Variants in ANGPT1 observed in about 807,000 individuals in gnomAD.
ANGPT1 encodes the protein angiopoietin-1.
In ANGPT1, 17 loss-of-function variants were observed where a neutral mutation model predicts 62.2. The observed-to-expected ratio is 0.27, with a 90% CI of 0.19 to 0.41. The LOEUF (loss-of-function observed/expected upper bound fraction) is 0.41, where lower values mean the gene tolerates loss of function less well. ANGPT1 is among the 10% of genes least tolerant of loss of function. ANGPT1 has a pLI of 1.00. For synonymous variants in ANGPT1, 199 were observed against 198.9 expected (o/e 1.00, Z 0.00); for missense variants, 478 against 594.9 (o/e 0.80, Z 2.04).
chr8:107,261,534 T>C (rs1813491052), intron 8 of ANGPT1, among the ~76,000 whole-genome samples: 1 of 151,722 alleles, frequency 6.6e-6, no homozygotes, highest in South Asian at 2.1e-4. Context: ...TGAAACCCTG[T>C]CTCTAGTAAA....
chr8:107,313,439 T>G (rs1054285881), intron 4 of ANGPT1, among the ~76,000 whole-genome samples: 2 of 124,468 alleles, frequency 1.6e-5, no homozygotes, highest in African/African-American at 3.0e-5. Context: ...GTTTTTTTTT[T>G]TTTTTTTTTT....
At chr8:107,446,103 G>T (rs569928509) in intron 1 of ANGPT1, among the ~76,000 whole-genome samples, 1 of 151,974 alleles carries the variant, frequency 6.6e-6, no homozygotes, top group Non-Finnish European at 1.5e-5. Context: ...ATTTTTAGTA[G>T]AGACTGGGTT....
intron 4 of ANGPT1, among the ~76,000 whole-genome samples, chr8:107,317,050 C>G (rs895928849): frequency 6.6e-6 from 1 of 152,176 alleles, no homozygotes; most frequent in African/African-American, 2.4e-5. Flanking sequence ...CAAGAAAACT[C>G]TAGAGATGCT....
intron 1 of ANGPT1, among the ~76,000 whole-genome samples, chr8:107,489,381 G>A (rs1044703374): frequency 2.6e-5 from 4 of 152,034 alleles, no homozygotes; most frequent in Non-Finnish European, 1.5e-5. Flanking sequence ...TAAGTGACCT[G>A]CACAGTCATG....
chr8:107,410,294 A>G (rs1192073114), intron 1 of ANGPT1, among the ~76,000 whole-genome samples: 3 of 152,194 alleles, frequency 2.0e-5, no homozygotes. Context: ...TTTCCTCCCC[A>G]GCTAGTGTCC....
intron 8 of ANGPT1, among the ~76,000 whole-genome samples, chr8:107,254,121 G>A (rs1000736150): frequency 5.3e-5 from 8 of 151,996 alleles, no homozygotes; most frequent in African/African-American, 1.9e-4. Flanking sequence ...ATGACCGGCG[G>A]GTCACTGCAG....
chr8:107,335,202 G>T (rs1815531357), intron 3 of ANGPT1, among the ~76,000 whole-genome samples: 1 of 152,156 alleles, frequency 6.6e-6, no homozygotes, highest in African/African-American at 2.4e-5. Flanking sequence ...CTTCCACTGA[G>T]TCTCTGTTCC....
At chr8:107,389,770 T>A (rs1044794570) in intron 1 of ANGPT1, among the ~76,000 whole-genome samples, 1 of 152,142 alleles carries the variant, frequency 6.6e-6, no homozygotes, top group Admixed American at 6.6e-5. Flanking sequence ...TATATATGTA[T>A]AGCACAGAGT....
At chr8:107,459,861 A>G (rs993359768) in intron 1 of ANGPT1, among the ~76,000 whole-genome samples, 3 of 152,152 alleles carry the variant, frequency 2.0e-5, no homozygotes, top group Admixed American at 6.5e-5. Flanking sequence ...ATTTAAATTG[A>G]CTCAAAAACT....
rs147207767 is a variant in ANGPT1, at chr8:107,386,055, C to T, written c.298-38958G>A. 6.7e-3 allele frequency among the ~76,000 whole-genome samples: 1,023 copies of T among 152,050 alleles called. 12 individuals are homozygous for T. The highest frequency in any genetic ancestry group is 0.023 in the African/African-American group (970 of 41,514). On this transcript the variant is annotated intron_variant, in intron 1 of 8. Transcript: ENST00000517746. ...GGTACTTATACACCATAGAATACTA[C>T]ACAGATATTAAAAAAAAATCAGATC...
intron 2 of ANGPT1, among the ~76,000 whole-genome samples, chr8:107,341,445 A>T (rs932436273): frequency 6.6e-6 from 1 of 152,010 alleles, no homozygotes; most frequent in Non-Finnish European, 1.5e-5. Context: ...CTTGAAAAAC[A>T]AAACTCCTAT....
intron 8 of ANGPT1, among the ~76,000 whole-genome samples, chr8:107,252,973 AAG>A: frequency 6.6e-6 from 1 of 152,206 alleles, no homozygotes; most frequent in East Asian, 1.9e-4. Context: ...TAGCTAAAGA[AAG>A]AGAAAGCTGT....
chr8:107,366,332 T>A (rs1024471844), intron 1 of ANGPT1, among the ~76,000 whole-genome samples: 1 of 152,128 alleles, frequency 6.6e-6, no homozygotes, highest in African/African-American at 2.4e-5. Context: ...TCCTACTCAT[T>A]CAAATACTTT....
At chr8:107,359,484 T>C (rs775627227) in intron 1 of ANGPT1, among the ~76,000 whole-genome samples, 2 of 152,164 alleles carry the variant, frequency 1.3e-5, no homozygotes, top group East Asian at 3.8e-4. Flanking sequence ...GAACTAAAAA[T>C]TGATTCTATA....
chr8:107,437,718 C>T (rs1174255309), intron 1 of ANGPT1, among the ~76,000 whole-genome samples: 1 of 151,886 alleles, frequency 6.6e-6, no homozygotes, highest in African/African-American at 2.4e-5. Flanking sequence ...AGTTGACAAG[C>T]CACAGAAGTG....
intron 1 of ANGPT1, among the ~76,000 whole-genome samples, chr8:107,381,640 A>C (rs1816639122): frequency 6.6e-6 from 1 of 152,160 alleles, no homozygotes; most frequent in Non-Finnish European, 1.5e-5. Flanking sequence ...GAGCATCCTG[A>C]GAATGGGTCA....
chr8:107,433,717 T>G (rs1811262550), intron 1 of ANGPT1, among the ~76,000 whole-genome samples: 1 of 152,236 alleles, frequency 6.6e-6, no homozygotes, highest in Non-Finnish European at 1.5e-5. Context: ...TCATGCTTTT[T>G]CTTGTCTCTA....
intron 5 of ANGPT1, among the ~76,000 whole-genome samples, chr8:107,302,354 G>A (rs971975190): frequency 1.3e-5 from 2 of 151,892 alleles, no homozygotes; most frequent in African/African-American, 4.8e-5. Context: ...TGGGCTTCCA[G>A]TTAAAACTCA....
chr8:107,348,585 T>A (rs1338533678), intron 1 of ANGPT1, among the ~76,000 whole-genome samples: 1 of 152,228 alleles, frequency 6.6e-6, no homozygotes, highest in East Asian at 1.9e-4. Context: ...AAATACAAAA[T>A]ATATTATAAT....
Sources: gnomAD v4.1 joint callset for allele counts (sites outside exome capture counted in the v4.1 genomes callset) on GRCh38, gnomAD v4.1.1 for gene constraint, MANE v1.5 for transcripts, NCBI Gene and HGNC (gene_info 2026-07-23, HGNC 2026-07-21) for gene names.